The following WNK2 variants were observed in gnomAD, a reference collection of about 807,000 sequenced individuals.
The protein encoded by WNK2 is WNK lysine deficient protein kinase 2.
Under a neutral mutation model 192.1 loss-of-function variants are expected in WNK2, and 67 were observed. The observed-to-expected ratio is 0.35, with a 90% CI of 0.29 to 0.43. The LOEUF is 0.43. Ranked by LOEUF, WNK2 falls within the 20% of genes least tolerant of loss-of-function variation. WNK2 has a pLI of 1.00. For missense variants in WNK2, 2,698 were observed against 3,089.7 expected (o/e 0.87, Z 3.01); for synonymous variants, 1,439 against 1,393.9 (o/e 1.03, Z -0.72).
intron 5 of WNK2, among the ~76,000 whole-genome samples, chr9:93,236,151 A>G (rs896613421): frequency 3.3e-5 from 5 of 152,150 alleles, no homozygotes; most frequent in Non-Finnish European, 5.9e-5. Flanking sequence ...AGCAGGAGGA[A>G]GTGGGGCGCT....
chr9:93,318,761 G>T (rs545140873), intron 29 of WNK2: 1 of 1,417,512 alleles, frequency 7.1e-7, no homozygotes, highest in South Asian at 1.6e-5. Context: ...CTCTGCGGAG[G>T]GCGGGGTCAT....
At position 93,229,688 on chromosome 9, in the gene WNK2, C is replaced by T; in HGVS notation, c.682-8C>T. On this transcript the variant is annotated splice_polypyrimidine_tract_variant and splice_region_variant and intron_variant, in intron 2 of 29. Coordinates refer to ENST00000427277, the MANE Select transcript of WNK2 (RefSeq NM_006648.4). This position sits in a 1 kb window ranked among gnomAD's most constrained non-coding sequence, Gnocchi z 4.9. ...TCTTGCCCACTTAGCATGTCTCTTG[C>T]CCTGTAGGACCGGAAGCTCACCAAG... 6.2e-7 allele frequency: 1 copy of T among 1,611,482 alleles called. No individual in the cohort carries two copies. Among genetic ancestry groups the T allele is most frequent in the Non-Finnish European group, 8.5e-7 (1 of 1,178,648 alleles).
At chr9:93,210,440 AG>A (rs938647093) in intron 2 of WNK2, among the ~76,000 whole-genome samples, 4 of 151,964 alleles carry the variant, frequency 2.6e-5, no homozygotes, top group Admixed American at 1.3e-4. Context: ...CTGTCAGGGG[AG>A]CGAGTGGGAC....
rs139516112 is a variant in WNK2, at chr9:93,259,098, G to A, written c.2550G>A (p.Ala850=). 1,133 of 1,610,442 alleles carry A rather than the reference G, an allele frequency of 7.0e-4. 8 individuals are homozygous for A. The African/African-American group carries it at 0.014, about 19-fold the overall frequency. The change falls in exon 12 of 30, where the codon GCG becomes GCA. Residue 850 remains alanine, a synonymous_variant. Transcript: ENST00000427277. This position sits in a 1 kb window ranked among gnomAD's most constrained non-coding sequence, Gnocchi z 4.8. ...LPSLAAPLPP[A]SPALPLQAVK... ...GCCTCGCTGCCCCACTCCCCCCTGC[G>A]TCCCCAGCCTTGCCTCTGCAGGCTG...
chr9:93,306,356 C>T (rs1240076323), intron 26 of WNK2, among the ~76,000 whole-genome samples: 1 of 152,234 alleles, frequency 6.6e-6, no homozygotes, highest in African/African-American at 2.4e-5. Context: ...CCCAGCTGTG[C>T]CCAGCTCCAT....
intron 5 of WNK2, among the ~76,000 whole-genome samples, chr9:93,236,808 G>A (rs982667682): frequency 1.7e-4 from 26 of 152,262 alleles, no homozygotes; most frequent in Admixed American, 1.7e-3. Flanking sequence ...TGGGGAGGAA[G>A]CCCAGGTGTG....
At chr9:93,188,502 G>A (rs554807784) in intron 2 of WNK2, among the ~76,000 whole-genome samples, 2 of 152,258 alleles carry the variant, frequency 1.3e-5, no homozygotes, top group African/African-American at 4.8e-5. Flanking sequence ...TTTTTTGTGG[G>A]GGAAGCCATT....
At chr9:93,274,145 GAAACAAACTTATTTTTAAA>G (rs1315891298) in intron 19 of WNK2, among the ~76,000 whole-genome samples, 1 of 152,128 alleles carries the variant, frequency 6.6e-6, no homozygotes, top group African/African-American at 2.4e-5. Context: ...AAAAACCAAT[GAAACAAACTTATTTTTAAA>G]AACGTTAGTA....
rs893715585 is a variant in WNK2, at chr9:93,292,538, G to A, written c.5073G>A (p.Arg1691=). The A allele has an allele frequency of 6.3e-7, 1 of 1,577,156 alleles. No homozygotes were observed. Among genetic ancestry groups the A allele is most frequent in the Non-Finnish European group, 8.6e-7 (1 of 1,159,378 alleles). Residue 1691 remains arginine, a synonymous_variant, in exon 23 of 30, where the codon AGG becomes AGA. Transcript: ENST00000427277. ...CTGCACGTGTGGAGCCCACAGACAGGGATGGTGGAGAAGCTGGAGAAAGCT... is the reference window on the plus strand; with the variant it reads ...CTGCACGTGTGGAGCCCACAGACAGAGATGGTGGAGAAGCTGGAGAAAGCT... ...VRPARVEPTD[R]DGGEAGESSA...
At chr9:93,310,622 C>T (rs189504951) in intron 28 of WNK2, among the ~76,000 whole-genome samples, 24 of 152,308 alleles carry the variant, frequency 1.6e-4, no homozygotes, top group Non-Finnish European at 2.1e-4. Context: ...CCTCAGCCCC[C>T]TCTCTGGCAC....
At chr9:93,312,305 C>A (rs1853803515) in intron 28 of WNK2, among the ~76,000 whole-genome samples, 1 of 152,164 alleles carries the variant, frequency 6.6e-6, no homozygotes, top group Non-Finnish European at 1.5e-5. Context: ...GAAACCTTTT[C>A]CTTAAGTTTC....
At chr9:93,300,204 C>T in intron 26 of WNK2, 55 bp downstream of exon 26, 5 of 1,389,554 alleles carry the variant, frequency 3.6e-6, no homozygotes, top group Non-Finnish European at 4.1e-6. Context: ...TTTTCTCCCC[C>T]CACCCCCTCC....
intron 19 of WNK2, among the ~76,000 whole-genome samples, chr9:93,283,465 A>G (rs10733747): frequency 0.88 from 133,688 of 152,136 alleles, 59,837 homozygotes; most frequent in East Asian, 1. Flanking sequence ...GAAAAGGGGG[A>G]GACACTGCTA....
At chr9:93,294,633 A>G (rs543910094) in intron 23 of WNK2, among the ~76,000 whole-genome samples, 2 of 152,296 alleles carry the variant, frequency 1.3e-5, no homozygotes, top group East Asian at 1.9e-4. Flanking sequence ...GAAGGTGTGG[A>G]TGTGAGAACA....
In WNK2 at chr9:93,185,284, G is replaced by C. The variant is rs1829086549; in HGVS notation, c.355G>C (p.Val119Leu). Reference protein sequence around the residue: ...GAPADAGPEPVGTQEPGPDPI... With the variant: ...GAPADAGPEPLGTQEPGPDPI... ...CCCCGCGGACGCCGGCCCCGAGCCC[G>C]TGGGCACGCAGGAGCCCGGCCCGGA... is the stretch of plus-strand genomic sequence containing the variant. Residue 119 changes from valine (V) to leucine (L), a missense_variant, in exon 2 of 30, where the codon GTG (valine) becomes CTG (leucine). Val to Leu is a conservative substitution (Grantham distance 32). Coordinates refer to ENST00000427277, the MANE Select transcript of WNK2 (RefSeq NM_006648.4). 1 of 1,377,210 alleles carries C rather than the reference G, an allele frequency of 7.3e-7. No individual in the cohort carries two copies. The allele number at this position is 1,377,210 out of a possible 1,614,324, so 85.3% of individuals were successfully genotyped here.
chr9:93,308,376 C>A lies in WNK2; in HGVS notation c.6308C>A (p.Pro2103His). 2 of 1,562,498 alleles carry A rather than the reference C, an allele frequency of 1.3e-6. No individual in the cohort carries two copies. The highest frequency in any genetic ancestry group is 1.7e-6 in the Non-Finnish European group (2 of 1,153,864). ...LAPGPEPGPQ[P>H]ALHVQAQVNN... ...CCAGGCCCTGAGCCAGGCCCCCAGC[C>A]CGCCCTGCACGTCCAGGCGCAGGTG... Residue 2103 changes from proline to histidine, a missense_variant, in exon 28 of 30, where the codon CCC (proline) becomes CAC (histidine). Around this residue, in one of 7 missense-constraint regions of WNK2, gnomAD observed 167 missense variants for 184.2 expected, o/e 0.91. Coordinates refer to ENST00000427277, the MANE Select transcript of WNK2 (RefSeq NM_006648.4).
At position 93,192,018 on chromosome 9, in the gene WNK2, C is replaced by T. The variant is rs571962231; in HGVS notation, c.681+6408C>T. 8.1e-4 allele frequency among the ~76,000 whole-genome samples: 121 copies of T among 149,160 alleles called. 2 individuals carry two copies. The highest frequency in any genetic ancestry group is 2.9e-3 in the African/African-American group (118 of 40,376). Reference sequence around the variant, plus strand: ...CCAACCTGGCGACAGAGCAAGACTCCGTCTCAAAAAAAAAAGGCCAGGCGT... The same window carrying T: ...CCAACCTGGCGACAGAGCAAGACTCTGTCTCAAAAAAAAAAGGCCAGGCGT... On this transcript the variant is annotated intron_variant, in intron 2 of 29. Coordinates refer to ENST00000427277, the MANE Select transcript of WNK2 (RefSeq NM_006648.4).
In WNK2 at chr9:93,306,978, C is replaced by T. The variant is rs1005479707; in HGVS notation, c.6259+157C>T. ...CTCTCGGCCGGGCACTGCTTCGCTTCTGCCTGGCGGGATCGCTGTCCTCGG... is the reference window on the plus strand; with the variant it reads ...CTCTCGGCCGGGCACTGCTTCGCTTTTGCCTGGCGGGATCGCTGTCCTCGG... On this transcript the variant is annotated intron_variant, in intron 27 of 29. Transcript: ENST00000427277. 1.7e-4 allele frequency: 148 copies of T among 885,366 alleles called. No homozygotes were observed. The Middle Eastern group carries it at 2.3e-3, about 14-fold the overall frequency. 54.8% of individuals were successfully genotyped at this position (885,366 alleles called of 1,614,324 possible).
At chr9:93,256,723 A>G in intron 10 of WNK2, 1 of 668,454 alleles carries the variant, frequency 1.5e-6, no homozygotes. Context: ...ACATTTCTGC[A>G]AGATCTGCTG....
Sources: allele counts gnomAD v4.1 joint callset (sites outside exome capture counted in the v4.1 genomes callset), GRCh38; gene constraint gnomAD v4.1.1; regional missense constraint gnomAD v4.1.1; non-coding constraint Gnocchi (gnomAD v3.1); transcripts MANE v1.5; gene names NCBI Gene and HGNC (gene_info 2026-07-23, HGNC 2026-07-21).